PCSK2: variants seen among roughly 807,000 people sequenced by gnomAD.
PCSK2 encodes neuroendocrine convertase 2.
Under a neutral mutation model 69.7 loss-of-function variants are expected in PCSK2, and 14 were observed. That is an observed-to-expected ratio of 0.20 (90% confidence interval 0.13 to 0.31). The LOEUF is 0.31. PCSK2 is among the 10% of genes least tolerant of loss of function. The pLI, the probability that PCSK2 is intolerant of heterozygous loss-of-function variation, is 1.00. For synonymous variants in PCSK2, 307 were observed against 320.7 expected (o/e 0.96, Z 0.46); for missense variants, 544 against 842.5 (o/e 0.65, Z 4.39).
intron 1 of PCSK2, among the ~76,000 whole-genome samples, chr20:17,232,230 C>G (rs144700968): frequency 6.6e-6 from 1 of 152,328 alleles, no homozygotes; most frequent in Non-Finnish European, 1.5e-5. Context: ...TCTCAGAATT[C>G]TGCCGGCTAC....
intron 6 of PCSK2, among the ~76,000 whole-genome samples, chr20:17,413,298 G>A (rs1215001987): frequency 5.3e-5 from 8 of 152,038 alleles, no homozygotes; most frequent in East Asian, 1.9e-4. Flanking sequence ...TCTCACGTGC[G>A]GAGACACATA....
At chr20:17,243,540 T>G (rs1986662025) in intron 1 of PCSK2, among the ~76,000 whole-genome samples, 1 of 152,176 alleles carries the variant, frequency 6.6e-6, no homozygotes, top group Non-Finnish European at 1.5e-5. Flanking sequence ...GTAAGTTGTG[T>G]TTTTTTAGTT....
chr20:17,425,056 G>T (rs2032216738), intron 6 of PCSK2, among the ~76,000 whole-genome samples: 1 of 152,128 alleles, frequency 6.6e-6, no homozygotes, highest in Admixed American at 6.5e-5. Context: ...GATTACAGGA[G>T]TGAGCCACCA....
intron 1 of PCSK2, among the ~76,000 whole-genome samples, chr20:17,242,040 T>C (rs1986596568): frequency 6.6e-6 from 1 of 152,190 alleles, no homozygotes; most frequent in Non-Finnish European, 1.5e-5. Context: ...ATAAAACAGT[T>C]GTTCAGTTCT....
chr20:17,482,031 C>T lies in PCSK2; in HGVS notation c.1878C>T (p.Ala626=). Residue 626 remains alanine, a synonymous_variant, in exon 12 of 12, where the codon GCC becomes GCT. Transcript: ENST00000262545. Reference sequence around the variant, plus strand: ...AGCTGGAGGAAGAGCTGGACGAAGCCGTGGAGAGAAGCCTGAAAAGCATCC... The same window carrying T: ...AGCTGGAGGAAGAGCTGGACGAAGCTGTGGAGAGAAGCCTGAAAAGCATCC... ...KEELEEELDE[A]VERSLKSILN... The T allele has an allele frequency of 6.2e-7, 1 of 1,606,426 alleles. No individual in the cohort carries two copies. The highest frequency in any genetic ancestry group is 8.5e-7 in the Non-Finnish European group (1 of 1,177,510).
intron 6 of PCSK2, among the ~76,000 whole-genome samples, chr20:17,416,629 C>G (rs747061717): frequency 3.3e-5 from 5 of 151,884 alleles, no homozygotes; most frequent in Admixed American, 1.3e-4. Context: ...CCTCAAGGAT[C>G]TAGAACTAGA....
chr20:17,246,350 T>C (rs1034936242), intron 1 of PCSK2, among the ~76,000 whole-genome samples: 2 of 152,170 alleles, frequency 1.3e-5, no homozygotes, highest in African/African-American at 4.8e-5. Flanking sequence ...ACAATCCACT[T>C]GGCTGTGGGT....
chr20:17,395,383 T>C (rs975816095), intron 5 of PCSK2, among the ~76,000 whole-genome samples: 1 of 152,308 alleles, frequency 6.6e-6, no homozygotes, highest in Non-Finnish European at 1.5e-5. Context: ...GTGCTGAGTG[T>C]GCTGGGATAA....
intron 2 of PCSK2, among the ~76,000 whole-genome samples, chr20:17,322,136 C>A (rs532064048): frequency 2.0e-5 from 3 of 152,248 alleles, no homozygotes; most frequent in Admixed American, 2.0e-4. Flanking sequence ...GTTGATCAAG[C>A]AAAGCTTATC....
chr20:17,470,663 A>G (rs2033183854), intron 11 of PCSK2, among the ~76,000 whole-genome samples: 1 of 152,230 alleles, frequency 6.6e-6, no homozygotes, highest in Admixed American at 6.5e-5. Flanking sequence ...ATCTCATTTA[A>G]TCACAGGAGG....
At position 17,433,812 on chromosome 20, in the gene PCSK2, T is replaced by TCTCTCCCC. The variant is rs774361715; in HGVS notation, c.710-2895_710-2894insTCTCCCCC. ...CTCTCTCTCTCTCTCTCTCTCTCTC[T>TCTCTCCCC]CCCCCCACTTCCTTCCCTCCTCCTC... On this transcript the variant is annotated intron_variant, in intron 7 of 11. Coordinates refer to ENST00000262545, the MANE Select transcript of PCSK2 (RefSeq NM_002594.5). Among the ~76,000 whole-genome samples, 71 of 104,166 alleles carry TCTCTCCCC rather than the reference T, an allele frequency of 6.8e-4. 1 individual carries two copies. Among genetic ancestry groups the TCTCTCCCC allele is most frequent in the African/African-American group, 2.7e-3 (65 of 24,294 alleles). 68.3% of individuals were successfully genotyped at this position (104,166 alleles called of 152,430 possible).
intron 2 of PCSK2, among the ~76,000 whole-genome samples, chr20:17,312,961 C>T (rs114808571): frequency 0.014 from 2,104 of 152,232 alleles, 53 homozygotes; most frequent in African/African-American, 0.048. Context: ...ACTAATCTAG[C>T]GAAAGCATCT....
chr20:17,276,879 A>G (rs1988099856), intron 2 of PCSK2, among the ~76,000 whole-genome samples: 2 of 152,228 alleles, frequency 1.3e-5, no homozygotes, highest in Admixed American at 1.3e-4. Context: ...GTCTCAGGAT[A>G]CAAAATCAAT....
chr20:17,378,679 AGATG>A (rs1348182359), intron 5 of PCSK2, among the ~76,000 whole-genome samples: 1 of 151,270 alleles, frequency 6.6e-6, no homozygotes, highest in Non-Finnish European at 1.5e-5. Flanking sequence ...ATGGATGGTT[AGATG>A]GATGGATAGA....
intron 5 of PCSK2, among the ~76,000 whole-genome samples, chr20:17,402,336 G>T (rs2031656192): frequency 6.6e-6 from 1 of 152,224 alleles, no homozygotes; most frequent in South Asian, 2.1e-4. Context: ...GCTGATAATG[G>T]TGGCAATGAG....
intron 2 of PCSK2, among the ~76,000 whole-genome samples, chr20:17,355,004 G>T (rs1241818768): frequency 6.6e-6 from 1 of 152,172 alleles, no homozygotes; most frequent in African/African-American, 2.4e-5. Flanking sequence ...AAGATAAACT[G>T]ACAGACTCAG....
rs1262339911 is a variant in PCSK2 at position 17,317,793 on chromosome 20, G to A, written c.283-40534G>A. On this transcript the variant is annotated intron_variant, in intron 2 of 11. Transcript: ENST00000262545. ...ATGGGAAGAGTTTCTTTTTTCAAAA[G>A]GGAACACATAAACAACACATGAAAG... 2.0e-5 allele frequency among the ~76,000 whole-genome samples: 3 copies of A among 151,818 alleles called. No homozygotes were observed. The East Asian group carries it at 5.8e-4, about 29-fold the overall frequency.
rs150364906 is a variant in PCSK2, at chr20:17,442,757, C to T, written c.885+5874C>T. ...GCTTGAAATTCAACATGGAAATTGACGAACACTAAAAATAAAGCCCTTTTA... is the reference window on the plus strand; with the variant it reads ...GCTTGAAATTCAACATGGAAATTGATGAACACTAAAAATAAAGCCCTTTTA... On this transcript the variant is annotated intron_variant, in intron 8 of 11. Coordinates refer to ENST00000262545, the MANE Select transcript of PCSK2 (RefSeq NM_002594.5). 3.0e-3 allele frequency among the ~76,000 whole-genome samples: 450 copies of T among 152,276 alleles called. 3 individuals are homozygous for T. The highest frequency in any genetic ancestry group is 0.01 in the African/African-American group (434 of 41,568).
intron 5 of PCSK2, among the ~76,000 whole-genome samples, chr20:17,370,535 C>T (rs1195292636): frequency 1.3e-5 from 2 of 152,154 alleles, no homozygotes; most frequent in South Asian, 2.1e-4. Flanking sequence ...AGAAATTAAA[C>T]CAAAGCTATA....
Sources: gnomAD v4.1 joint callset for allele counts (sites outside exome capture counted in the v4.1 genomes callset) on GRCh38, gnomAD v4.1.1 for gene constraint, MANE v1.5 for transcripts, NCBI Gene and HGNC (gene_info 2026-07-23, HGNC 2026-07-21) for gene names.